The following FOXP1 variants were observed in gnomAD, a reference collection of about 807,000 sequenced individuals.
The protein encoded by FOXP1 is forkhead box protein P1.
A neutral mutation model predicts 98.2 loss-of-function variants in FOXP1; 15 were observed. The observed-to-expected ratio is 0.15, with a 90% CI of 0.10 to 0.24. The LOEUF (loss-of-function observed/expected upper bound fraction) is 0.24, where lower values mean the gene tolerates loss of function less well. FOXP1 is among the 10% of genes least tolerant of loss of function. FOXP1 has a pLI of 1.00. For missense variants in FOXP1, 633 were observed against 848.5 expected (o/e 0.75, Z 3.15); for synonymous variants, 371 against 314.5 (o/e 1.18, Z -1.90).
intron 2 of FOXP1, among the ~76,000 whole-genome samples, chr3:71,557,778 C>T (rs970725870): frequency 3.3e-5 from 5 of 152,190 alleles, no homozygotes; most frequent in African/African-American, 7.2e-5. Flanking sequence ...GCTTCCCCAC[C>T]CACAGGGCCT....
intron 6 of FOXP1, among the ~76,000 whole-genome samples, chr3:71,123,059 C>T (rs925540818): frequency 2.0e-5 from 3 of 152,098 alleles, no homozygotes; most frequent in African/African-American, 7.2e-5. Context: ...TTTCCATGGC[C>T]AGGACTCTGT....
chr3:71,434,276 C>T (rs75607045), intron 3 of FOXP1, among the ~76,000 whole-genome samples: 1,648 of 151,758 alleles, frequency 0.011, 15 homozygotes, highest in Non-Finnish European at 0.016. Context: ...TCCTAGAGCC[C>T]CCCCGAAGAC....
intron 6 of FOXP1, among the ~76,000 whole-genome samples, chr3:71,184,759 T>G (rs2062543082): frequency 6.7e-6 from 1 of 150,246 alleles, no homozygotes; most frequent in Admixed American, 6.6e-5. Flanking sequence ...TGTGTAACGT[T>G]TTTTTTTTTG....
At chr3:71,565,903 C>T (rs2046876588) in intron 2 of FOXP1, among the ~76,000 whole-genome samples, 2 of 151,820 alleles carry the variant, frequency 1.3e-5, no homozygotes, top group South Asian at 4.2e-4. Context: ...CATTTGGGGT[C>T]GATAAAGGAG....
At chr3:71,345,552 C>T (rs76688962) in intron 4 of FOXP1, among the ~76,000 whole-genome samples, 1 of 152,030 alleles carries the variant, frequency 6.6e-6, no homozygotes, top group Non-Finnish European at 1.5e-5. Flanking sequence ...TTTTTCTCAA[C>T]ATGAACATAT....
At chr3:71,107,710 T>C (rs1047124520) in intron 7 of FOXP1, among the ~76,000 whole-genome samples, 5 of 152,180 alleles carry the variant, frequency 3.3e-5, no homozygotes, top group African/African-American at 1.2e-4. Flanking sequence ...TCCATTTCAC[T>C]ATCAACAACA....
chr3:71,508,240 T>C (rs534782712), intron 2 of FOXP1, among the ~76,000 whole-genome samples: 27 of 152,336 alleles, frequency 1.8e-4, no homozygotes, highest in Admixed American at 2.0e-4. Flanking sequence ...ACAGATAATG[T>C]TTATTCTAGC....
chr3:71,056,265 G>A (rs2050625794), intron 7 of FOXP1, among the ~76,000 whole-genome samples: 1 of 152,102 alleles, frequency 6.6e-6, no homozygotes, highest in Admixed American at 6.5e-5. Context: ...CTTCTTAAAG[G>A]AGAAACAACA....
At chr3:71,024,123 T>C (rs1161915616) in intron 11 of FOXP1, among the ~76,000 whole-genome samples, 1 of 152,144 alleles carries the variant, frequency 6.6e-6, no homozygotes, top group African/African-American at 2.4e-5. Flanking sequence ...TCACATTCCA[T>C]ACTGTAGCAT....
At chr3:71,233,545 G>GCCT (rs1560158466) in intron 5 of FOXP1, among the ~76,000 whole-genome samples, 1 of 150,918 alleles carries the variant, frequency 6.6e-6, no homozygotes, top group Non-Finnish European at 1.5e-5. Context: ...TCTCACCTCA[G>GCCT]CCTCCTGAGT....
intron 7 of FOXP1, among the ~76,000 whole-genome samples, chr3:71,066,346 C>A (rs908678041): frequency 2.0e-5 from 3 of 152,174 alleles, no homozygotes; most frequent in African/African-American, 7.2e-5. Flanking sequence ...GTTAAATGGG[C>A]ACAGCGCAGA....
intron 10 of FOXP1, among the ~76,000 whole-genome samples, chr3:71,045,590 ATCT>A (rs1285013588): frequency 6.6e-6 from 1 of 152,212 alleles, no homozygotes; most frequent in Non-Finnish European, 1.5e-5. Flanking sequence ...CAGTTACGAC[ATCT>A]TCTATTTTGA....
chr3:71,556,032 C>T (rs1436572986), intron 2 of FOXP1, among the ~76,000 whole-genome samples: 1 of 151,816 alleles, frequency 6.6e-6, no homozygotes, highest in Non-Finnish European at 1.5e-5. Context: ...TGTTATAAGG[C>T]ATAAATGAAA....
intron 7 of FOXP1, among the ~76,000 whole-genome samples, chr3:71,082,004 C>T (rs1327640236): frequency 1.3e-5 from 2 of 152,056 alleles, no homozygotes; most frequent in Non-Finnish European, 2.9e-5. Context: ...CTGCGCTGGG[C>T]GCGGTGGCTC....
At chr3:71,059,034 T>C (rs2051096943) in intron 7 of FOXP1, among the ~76,000 whole-genome samples, 1 of 152,206 alleles carries the variant, frequency 6.6e-6, no homozygotes, top group Admixed American at 6.5e-5. Context: ...GTTATTATAT[T>C]AATGCAAAAT....
chr3:71,273,910 A>C (rs2178606), intron 5 of FOXP1, among the ~76,000 whole-genome samples: 23,235 of 152,158 alleles, frequency 0.15, 1,909 homozygotes, highest in African/African-American at 0.18. Flanking sequence ...ATACAACTTA[A>C]TGATAATTCA....
chr3:71,329,413 G>T (rs1315331764), intron 4 of FOXP1, among the ~76,000 whole-genome samples: 1 of 151,562 alleles, frequency 6.6e-6, no homozygotes, highest in Non-Finnish European at 1.5e-5. Flanking sequence ...AGTAGAGACG[G>T]GGTTTCACTG....
At chr3:71,381,358 T>C (rs958092819) in intron 3 of FOXP1, among the ~76,000 whole-genome samples, 3 of 151,682 alleles carry the variant, frequency 2.0e-5, no homozygotes, top group African/African-American at 7.3e-5. Context: ...TATCGTGGTC[T>C]CGATCTCCTG....
chr3:71,137,263 C>T (rs1034637540), intron 6 of FOXP1, among the ~76,000 whole-genome samples: 1 of 152,162 alleles, frequency 6.6e-6, no homozygotes, highest in African/African-American at 2.4e-5. Context: ...GGCTTTCAAA[C>T]TGACACTTTG....
Sources: gnomAD v4.1 joint callset for allele counts (sites outside exome capture counted in the v4.1 genomes callset) on GRCh38, gnomAD v4.1.1 for gene constraint, MANE v1.5 for transcripts, NCBI Gene and HGNC (gene_info 2026-07-23, HGNC 2026-07-21) for gene names.